The following ATRNL1 variants were observed in gnomAD, a reference collection of about 807,000 sequenced individuals.
ATRNL1 encodes the protein attractin-like protein 1.
Under a neutral mutation model 182.7 loss-of-function variants are expected in ATRNL1, and 95 were observed. The observed-to-expected ratio is 0.52, with a 90% confidence interval of 0.44 to 0.62. ATRNL1 has a LOEUF of 0.62. Ranked by LOEUF, ATRNL1 falls within the 20% of genes least tolerant of loss-of-function variation. The pLI is 0.00. For synonymous variants in ATRNL1, 576 were observed against 568.3 expected (o/e 1.01, Z -0.19); for missense variants, 1,471 against 1,679.5 (o/e 0.88, Z 2.17).
At chr10:115,847,353 T>A (rs1950952975) in intron 27 of ATRNL1, among the ~76,000 whole-genome samples, 1 of 151,950 alleles carries the variant, frequency 6.6e-6, no homozygotes, top group Non-Finnish European at 1.5e-5. Flanking sequence ...GCTAAGAGAG[T>A]GTATTTTAGG....
intron 26 of ATRNL1, among the ~76,000 whole-genome samples, chr10:115,676,799 A>T (rs574116982): frequency 1.3e-5 from 2 of 152,180 alleles, no homozygotes; most frequent in African/African-American, 4.8e-5. Context: ...ATAAACAAGC[A>T]GAGCAGGATG....
chr10:115,479,771 C>G (rs1357406894), intron 24 of ATRNL1, among the ~76,000 whole-genome samples: 1 of 151,210 alleles, frequency 6.6e-6, no homozygotes, highest in Non-Finnish European at 1.5e-5. Flanking sequence ...TAATGTCATG[C>G]AATTAAATCT....
intron 26 of ATRNL1, among the ~76,000 whole-genome samples, chr10:115,671,320 A>T (rs1443720197): frequency 6.6e-6 from 1 of 152,130 alleles, no homozygotes; most frequent in Non-Finnish European, 1.5e-5. Context: ...TGCAAGATAG[A>T]CTCCAGAATA....
chr10:115,285,700 A>G (rs782399977), intron 14 of ATRNL1, among the ~76,000 whole-genome samples: 1 of 152,074 alleles, frequency 6.6e-6, no homozygotes, highest in African/African-American at 2.4e-5. Context: ...CATAAGTGAA[A>G]TGAGACTTCT....
rs1040852270 is a variant in ATRNL1 at position 115,212,167 on chromosome 10, C to T, written c.1349-3530C>T. 2.0e-5 allele frequency among the ~76,000 whole-genome samples: 3 copies of T among 151,912 alleles called. No individual in the cohort carries two copies. The East Asian group carries it at 5.8e-4, about 29-fold the overall frequency. On this transcript the variant is annotated intron_variant, in intron 8 of 28. Transcript: ENST00000355044. ...GCTCAGTACCCAATAGTTATTCACC[C>T]CTTGCCCCACTCCCTCTCTCTTGAT...
At chr10:115,899,121 G>A (rs921047623) in intron 28 of ATRNL1, among the ~76,000 whole-genome samples, 9 of 151,880 alleles carry the variant, frequency 5.9e-5, no homozygotes, top group African/African-American at 2.2e-4. Flanking sequence ...CCCACCCCAC[G>A]ACAGGCCCTG....
At chr10:115,400,605 G>T (rs1411870612) in intron 20 of ATRNL1, among the ~76,000 whole-genome samples, 2 of 152,060 alleles carry the variant, frequency 1.3e-5, no homozygotes, top group Non-Finnish European at 2.9e-5. Context: ...CTGAGAACTT[G>T]CTTTATGAAT....
intron 27 of ATRNL1, among the ~76,000 whole-genome samples, chr10:115,831,522 C>A (rs1247301976): frequency 1.3e-5 from 2 of 152,090 alleles, no homozygotes; most frequent in Non-Finnish European, 2.9e-5. Context: ...CAGTGAAAAG[C>A]ACGCCGGGGT....
intron 28 of ATRNL1, among the ~76,000 whole-genome samples, chr10:115,925,531 C>T (rs1446093011): frequency 1.3e-5 from 2 of 151,574 alleles, no homozygotes; most frequent in Non-Finnish European, 2.9e-5. Context: ...TGTGCAAAGA[C>T]ACACATAGGC....
intron 28 of ATRNL1, among the ~76,000 whole-genome samples, chr10:115,933,884 C>G (rs1279564928): frequency 6.6e-6 from 1 of 152,166 alleles, no homozygotes; most frequent in Non-Finnish European, 1.5e-5. Flanking sequence ...CTTTCTTACT[C>G]TGTTCTTTTT....
intron 5 of ATRNL1, among the ~76,000 whole-genome samples, chr10:115,144,359 C>T (rs1030950899): frequency 2.0e-5 from 3 of 152,054 alleles, no homozygotes; most frequent in Admixed American, 6.5e-5. Context: ...GGGGTCTCAC[C>T]GTGTTAGCCA....
chr10:115,678,811 G>C (rs1454455314), intron 26 of ATRNL1, among the ~76,000 whole-genome samples: 1 of 152,100 alleles, frequency 6.6e-6, no homozygotes, highest in African/African-American at 2.4e-5. Flanking sequence ...AGTCACTGCA[G>C]CTGGCTCAAG....
At chr10:115,223,173 TG>T (rs1297829296) in intron 9 of ATRNL1, among the ~76,000 whole-genome samples, 1 of 152,062 alleles carries the variant, frequency 6.6e-6, no homozygotes, top group Non-Finnish European at 1.5e-5. Context: ...CCCAGCTACT[TG>T]GGAGGCTGAG....
At chr10:115,273,911 A>T (rs879965807) in intron 13 of ATRNL1, among the ~76,000 whole-genome samples, 4 of 152,156 alleles carry the variant, frequency 2.6e-5, no homozygotes, top group Non-Finnish European at 4.4e-5. Context: ...CGCTGTGCAT[A>T]CCCAACCTCA....
intron 26 of ATRNL1, among the ~76,000 whole-genome samples, chr10:115,611,717 T>C (rs1555019041): frequency 6.6e-6 from 1 of 152,170 alleles, no homozygotes; most frequent in Non-Finnish European, 1.5e-5. Context: ...ATTAAGATGA[T>C]TAATATTCTT....
chr10:115,189,615 A>C (rs1487553721), intron 8 of ATRNL1, among the ~76,000 whole-genome samples: 1 of 152,112 alleles, frequency 6.6e-6, no homozygotes, highest in Non-Finnish European at 1.5e-5. Flanking sequence ...TTTAAGGAAA[A>C]AATTTTTATA....
chr10:115,399,026 G>C (rs1844424404), intron 20 of ATRNL1, among the ~76,000 whole-genome samples: 1 of 151,966 alleles, frequency 6.6e-6, no homozygotes, highest in East Asian at 1.9e-4. Context: ...TGCTTATGTT[G>C]AACCAACCTT....
rs115717517 is a variant in ATRNL1 at position 115,410,274 on chromosome 10, T to C, written c.3269+15522T>C. The stretch of plus-strand genomic sequence containing the variant: ...GCTCTTGTTTACTGCTATTTTTTCA[T>C]TTATCAGTTTGGAGATTTCAGAAAG... On this transcript the variant is annotated intron_variant, in intron 20 of 28. Transcript: ENST00000355044. 2.2e-3 allele frequency among the ~76,000 whole-genome samples: 330 copies of C among 152,228 alleles called. 3 individuals carry two copies. Among genetic ancestry groups the C allele is most frequent in the African/African-American group, 7.5e-3 (310 of 41,538 alleles).
At chr10:115,405,582 T>C (rs144273799) in intron 20 of ATRNL1, among the ~76,000 whole-genome samples, 2,274 of 152,348 alleles carry the variant, frequency 0.015, 21 homozygotes, top group South Asian at 0.025. Context: ...ACATAATGTT[T>C]TGAGATTTAT....
Sources: allele counts gnomAD v4.1 joint callset (sites outside exome capture counted in the v4.1 genomes callset), GRCh38; gene constraint gnomAD v4.1.1; transcripts MANE v1.5; gene names NCBI Gene and HGNC (gene_info 2026-07-23, HGNC 2026-07-21).